GUCY1A1: variants seen among roughly 807,000 people sequenced by gnomAD.
The protein encoded by GUCY1A1 is guanylate cyclase 1 soluble subunit alpha 1.
GUCY1A1 carries 48 observed loss-of-function variants against 64.5 expected under a neutral mutation model. That is an observed-to-expected ratio of 0.74 (90% confidence interval 0.59 to 0.95). The LOEUF is 0.95. Among genes scored for constraint, GUCY1A1 ranks in the 40% least tolerant of loss-of-function variants. The pLI, the probability that GUCY1A1 is intolerant of heterozygous loss-of-function variation, is 0.00. For synonymous variants in GUCY1A1, 308 were observed against 303.4 expected (o/e 1.02, Z -0.16); for missense variants, 804 against 825.3 (o/e 0.97, Z 0.32).
chr4:155,691,090 A>G (rs1315350409), intron 2 of GUCY1A1, among the ~76,000 whole-genome samples: 1 of 152,242 alleles, frequency 6.6e-6, no homozygotes, highest in Non-Finnish European at 1.5e-5. Flanking sequence ...GGCATCATCA[A>G]ATTTAATAAA....
intron 4 of GUCY1A1, among the ~76,000 whole-genome samples, chr4:155,704,220 C>A (rs1481068354): frequency 1.3e-5 from 2 of 152,148 alleles, no homozygotes; most frequent in Non-Finnish European, 2.9e-5. Context: ...AATTTTATAG[C>A]CGTTTAAGGA....
In GUCY1A1 at chr4:155,717,232, T is replaced by C. The variant is rs757137787; in HGVS notation, c.1646T>C (p.Ile549Thr). Reference sequence around the variant, plus strand: ...GAGAGTGATACTCATGCTGTTCAGATAGCGCTGATGGCCCTGAAGATGATG... The same window carrying C: ...GAGAGTGATACTCATGCTGTTCAGACAGCGCTGATGGCCCTGAAGATGATG... ...HKESDTHAVQIALMALKMMEL... is the reference protein window; with the variant it reads ...HKESDTHAVQTALMALKMMEL... The change falls in exon 8 of 10, where the codon ATA becomes ACA. Residue 549 changes from isoleucine to threonine, a missense_variant. Ile to Thr is a moderately conservative substitution (Grantham distance 89). Transcript: ENST00000506455. The C allele has an allele frequency of 4.4e-6, 7 of 1,600,142 alleles. No homozygotes were observed. In the Admixed American group the frequency reaches 8.4e-5, roughly 19 times the overall value.
chr4:155,708,127 G>T (rs185384622), intron 4 of GUCY1A1, 109 bp from the exon 5 acceptor site: 1 of 617,394 alleles, frequency 1.6e-6, no homozygotes, highest in Admixed American at 2.6e-5. Flanking sequence ...GTGAGCCGCT[G>T]TGCCTGGCCT....
At position 155,734,005 on chromosome 4, in the gene GUCY1A1, C is replaced by A. The variant is rs74904536; in HGVS notation, c.*3774C>A. Reference sequence around the variant, plus strand: ...TCAAGGCTAATTAGTCTTTCAGATCCTTTGGTAGGGAGGAAAGAAGAGTTG... The same window carrying A: ...TCAAGGCTAATTAGTCTTTCAGATCATTTGGTAGGGAGGAAAGAAGAGTTG... On this transcript the variant is annotated 3_prime_UTR_variant, in exon 10 of 10. Transcript: ENST00000506455. Among the ~76,000 whole-genome samples the A allele has an allele frequency of 9.9e-3, 1,504 of 151,942 alleles. 35 individuals are homozygous for A. The highest frequency in any genetic ancestry group is 0.035 in the African/African-American group (1,439 of 41,492).
chr4:155,723,734 C>T (rs930760633), intron 9 of GUCY1A1, among the ~76,000 whole-genome samples: 2 of 151,844 alleles, frequency 1.3e-5, no homozygotes, highest in African/African-American at 4.8e-5. Flanking sequence ...TCAGTCTTGC[C>T]TCACTGCAAG....
intron 9 of GUCY1A1, among the ~76,000 whole-genome samples, chr4:155,724,206 C>A (rs13139313): frequency 6.6e-6 from 1 of 151,930 alleles, no homozygotes; most frequent in Non-Finnish European, 1.5e-5. Flanking sequence ...TTCCTCTCAC[C>A]TTCTCAATAA....
rs1413710958 is a variant in GUCY1A1, at chr4:155,694,418, C to A, written c.-112-2338C>A. Among the ~76,000 whole-genome samples, 5 of 152,148 alleles carry A rather than the reference C, an allele frequency of 3.3e-5. No homozygotes were observed. The South Asian group carries it at 6.2e-4, about 19-fold the overall frequency. On this transcript the variant is annotated intron_variant, in intron 2 of 9. Coordinates refer to ENST00000506455, the MANE Select transcript of GUCY1A1 (RefSeq NM_001130682.3). ...AAAAACTCTCCAAGCTCCCCAACCC[C>A]AACCAAAACTGGACCTGCGTAGGCT... is the stretch of plus-strand genomic sequence containing the variant.
At chr4:155,721,451 A>T (rs892544263) in intron 8 of GUCY1A1, among the ~76,000 whole-genome samples, 2 of 152,006 alleles carry the variant, frequency 1.3e-5, no homozygotes, top group African/African-American at 4.8e-5. Context: ...TCGTCATTGG[A>T]CTCAAGTACC....
chr4:155,713,534 C>T lies in GUCY1A1; in HGVS notation c.1523C>T (p.Ala508Val). Residue 508 changes from alanine (A) to valine (V), a missense_variant, in exon 7 of 10, where the codon GCA (alanine) becomes GTA (valine). Transcript: ENST00000506455. ...CTGCAGGTCATCACCATGCTCAATG[C>T]ACTGTACACTCGCTTCGACCAGCAG... is the stretch of plus-strand genomic sequence containing the variant. The part of the protein sequence containing the change: ...SPLQVITMLN[A>V]LYTRFDQQCG... The T allele has an allele frequency of 6.2e-7, 1 of 1,614,026 alleles. No individual in the cohort carries two copies. Among genetic ancestry groups the T allele is most frequent in the South Asian group, 1.1e-5 (1 of 91,080 alleles).
chr4:155,704,062 A>C (rs1731427293), intron 4 of GUCY1A1, 69 bp downstream of exon 4: 1 of 887,086 alleles, frequency 1.1e-6, no homozygotes, highest in African/African-American at 1.7e-5. Context: ...AATGGCCAGC[A>C]GTTACTGAAT....
chr4:155,722,169 C>T lies in GUCY1A1; in HGVS notation c.1848C>T (p.Ile616=), dbSNP rs532256565. ...AGTCCTGCAGTGTACCACGAAAAAT[C>T]AATGTCAGCCCAACAACTTACAGGT... ...KFESCSVPRK[I]NVSPTTYRLL... is the part of the protein sequence containing the mutation. Residue 616 remains isoleucine, a synonymous_variant, in exon 9 of 10, where the codon ATC becomes ATT. Coordinates refer to ENST00000506455, the MANE Select transcript of GUCY1A1 (RefSeq NM_001130682.3). The T allele has an allele frequency of 1.2e-6, 2 of 1,612,654 alleles. No homozygotes were observed. Among genetic ancestry groups the T allele is most frequent in the East Asian group, 4.5e-5 (2 of 44,840 alleles).
intron 7 of GUCY1A1, 40 bp downstream of exon 7, chr4:155,713,623 C>T (rs1488846392): frequency 1.9e-6 from 3 of 1,591,862 alleles, no homozygotes; most frequent in African/African-American, 1.3e-5. Context: ...TACCAGCAAA[C>T]TCACTGGGGA....
At position 155,717,844 on chromosome 4, in the gene GUCY1A1, G is replaced by A. The variant is rs560529769; in HGVS notation, c.1716+542G>A. ...CTTCCACAATTGTTCTTGAGTTATA[G>A]TGGAGATTGTGCCTGCCGAATCTCA... is the stretch of plus-strand genomic sequence containing the variant. On this transcript the variant is annotated intron_variant, in intron 8 of 9. Transcript: ENST00000506455. Among the ~76,000 whole-genome samples, 8 of 152,300 alleles carry A rather than the reference G, an allele frequency of 5.3e-5. No homozygotes were observed. The Middle Eastern group carries it at 0.014, about 259-fold the overall frequency.
intron 2 of GUCY1A1, among the ~76,000 whole-genome samples, chr4:155,669,434 A>T (rs1019834353): frequency 1.3e-5 from 2 of 152,042 alleles, no homozygotes; most frequent in African/African-American, 4.8e-5. Flanking sequence ...GTATTAAATA[A>T]CATGATTAAA....
intron 2 of GUCY1A1, among the ~76,000 whole-genome samples, chr4:155,687,746 G>A (rs368502985): frequency 6.6e-6 from 1 of 152,098 alleles, no homozygotes; most frequent in Admixed American, 6.5e-5. Flanking sequence ...CATGGTAGAC[G>A]CAGGGAGCAA....
chr4:155,720,873 T>C (rs1050346108), intron 8 of GUCY1A1, among the ~76,000 whole-genome samples: 6 of 152,176 alleles, frequency 3.9e-5, no homozygotes, highest in African/African-American at 1.4e-4. Flanking sequence ...ATTTAAAATA[T>C]CTCCACTTTA....
chr4:155,698,941 C>T (rs1435055353), intron 3 of GUCY1A1, among the ~76,000 whole-genome samples: 1 of 152,068 alleles, frequency 6.6e-6, no homozygotes, highest in East Asian at 1.9e-4. Flanking sequence ...ACATTTTGCT[C>T]ATGCATAGTT....
intron 2 of GUCY1A1, among the ~76,000 whole-genome samples, chr4:155,681,430 G>A (rs1158707666): frequency 6.6e-6 from 1 of 152,100 alleles, no homozygotes; most frequent in Non-Finnish European, 1.5e-5. Context: ...AGATCTTAAT[G>A]TAATCTGTAC....
At chr4:155,696,293 T>C (rs527877542) in intron 2 of GUCY1A1, among the ~76,000 whole-genome samples, 6 of 152,328 alleles carry the variant, frequency 3.9e-5, no homozygotes, top group African/African-American at 1.2e-4. Context: ...ATTATACATA[T>C]TGTTTTGCTT....
Sources: allele counts gnomAD v4.1 joint callset (sites outside exome capture counted in the v4.1 genomes callset), GRCh38; gene constraint gnomAD v4.1.1; transcripts MANE v1.5; gene names NCBI Gene and HGNC (gene_info 2026-07-23, HGNC 2026-07-21).